IFT81: variants seen among roughly 807,000 people sequenced by gnomAD.
IFT81 encodes the protein intraflagellar transport 81, also known as intraflagellar transport protein 81 homolog.
A neutral mutation model predicts 102.6 loss-of-function variants in IFT81; 72 were observed. That is an observed-to-expected ratio of 0.70 (90% CI 0.58 to 0.85). IFT81 has a LOEUF of 0.85. Ranked by LOEUF, IFT81 falls within the 40% of genes least tolerant of loss-of-function variation. The pLI is 0.00. For missense variants in IFT81, 723 were observed against 787.3 expected, an observed-to-expected ratio of 0.92 and a Z score of 0.98; for synonymous variants, 237 against 242.7, an observed-to-expected ratio of 0.98 and a Z score of 0.22.
At chr12:110,187,874 G>C (rs965081358) in intron 12 of IFT81, among the ~76,000 whole-genome samples, 1 of 152,056 alleles carries the variant, frequency 6.6e-6, no homozygotes, top group African/African-American at 2.4e-5. Context: ...AAGGATGTAG[G>C]TCTTACTGCT....
At chr12:110,144,209 TG>T (rs1418319760) in intron 9 of IFT81, among the ~76,000 whole-genome samples, 3 of 150,398 alleles carry the variant, frequency 2.0e-5, no homozygotes, top group Admixed American at 6.7e-5. Flanking sequence ...TTTTTGTTGT[TG>T]TTGTTTTGTT....
chr12:110,140,810 G>A (rs1401838001), intron 8 of IFT81, among the ~76,000 whole-genome samples: 2 of 151,906 alleles, frequency 1.3e-5, no homozygotes, highest in African/African-American at 2.4e-5. Context: ...TGCAACCTCC[G>A]CCTCCCAGGT....
At chr12:110,184,419 T>G (rs7959516) in intron 12 of IFT81, among the ~76,000 whole-genome samples, 14,501 of 152,134 alleles carry the variant, frequency 0.095, 797 homozygotes, top group African/African-American at 0.14. Flanking sequence ...CAACCATCAG[T>G]GGAGTTTAGT....
intron 12 of IFT81, among the ~76,000 whole-genome samples, chr12:110,183,748 C>T (rs1283290032): frequency 3.3e-5 from 5 of 152,202 alleles, no homozygotes; most frequent in Non-Finnish European, 5.9e-5. Context: ...TCTTCCAGGG[C>T]CTTGACCAAC....
intron 1 of IFT81, among the ~76,000 whole-genome samples, chr12:110,126,056 A>G (rs1893820587): frequency 6.6e-6 from 1 of 152,170 alleles, no homozygotes; most frequent in African/African-American, 2.4e-5. Context: ...AGGTGGGCGG[A>G]TCACGAGGTC....
At chr12:110,149,617 G>A (rs531465722) in intron 10 of IFT81, among the ~76,000 whole-genome samples, 6 of 152,278 alleles carry the variant, frequency 3.9e-5, no homozygotes, top group African/African-American at 1.4e-4. Flanking sequence ...AGCAGATAGG[G>A]GAGCCCGAAG....
In IFT81 at chr12:110,163,301, C is replaced by T. The variant is rs544384885; in HGVS notation, c.1188+236C>T. 5.3e-5 allele frequency among the ~76,000 whole-genome samples: 8 copies of T among 151,822 alleles called. No individual in the cohort carries two copies. The South Asian group carries it at 8.3e-4, about 16-fold the overall frequency. On this transcript the variant is annotated intron_variant, in intron 11 of 18. Coordinates refer to ENST00000242591, the MANE Select transcript of IFT81 (RefSeq NM_014055.4). The stretch of plus-strand genomic sequence containing the variant: ...TGTCACCCAGGCTGGGGTGCAATGG[C>T]GGGATCTCTGCTCACTGCAACCTCC...
intron 5 of IFT81, among the ~76,000 whole-genome samples, chr12:110,134,082 C>A (rs1894340431): frequency 6.6e-6 from 1 of 152,112 alleles, no homozygotes. Flanking sequence ...CTCACTGCAA[C>A]CTCCACCTCC....
At chr12:110,197,583 T>TAC (rs1555268732) in intron 14 of IFT81, among the ~76,000 whole-genome samples, 110 of 144,838 alleles carry the variant, frequency 7.6e-4, no homozygotes, top group African/African-American at 2.5e-3. Flanking sequence ...TATATATATA[T>TAC]ACCTCACTTA....
chr12:110,150,712 G>C (rs966768248), intron 10 of IFT81, among the ~76,000 whole-genome samples: 5 of 152,246 alleles, frequency 3.3e-5, no homozygotes, highest in East Asian at 1.9e-4. Context: ...TCAAGAATAT[G>C]ATTACTACTG....
intron 11 of IFT81, 152 bp from the exon 12 acceptor site, chr12:110,180,270 T>C (rs1178184350): frequency 6.4e-5 from 13 of 202,932 alleles, no homozygotes; most frequent in Non-Finnish European, 9.6e-5. Flanking sequence ...AATTATTATA[T>C]AAAGTTTTCT....
chr12:110,128,857 G>A, intron 3 of IFT81, 93 bp from the exon 4 acceptor site: 1 of 856,044 alleles, frequency 1.2e-6, no homozygotes, highest in Non-Finnish European at 1.8e-6. Flanking sequence ...AAGCAATTTG[G>A]ACATTGTAAA....
chr12:110,217,782 T>C (rs1870326473), intron 18 of IFT81, among the ~76,000 whole-genome samples: 1 of 151,926 alleles, frequency 6.6e-6, no homozygotes, highest in African/African-American at 2.4e-5. Context: ...TGACTTAGTG[T>C]TGGATTTAGT....
chr12:110,137,011 T>G, intron 8 of IFT81, 151 bp downstream of exon 8: 1 of 537,400 alleles, frequency 1.9e-6, no homozygotes, highest in Non-Finnish European at 3.3e-6. Context: ...AGGAGAGCCC[T>G]GATAAAGACA....
chr12:110,201,771 G>A, intron 14 of IFT81, among the ~76,000 whole-genome samples: 1 of 151,674 alleles, frequency 6.6e-6, no homozygotes, highest in Non-Finnish European at 1.5e-5. Context: ...AAACTTTTTT[G>A]TTAAAAACTA....
At chr12:110,194,610 A>T (rs1293268035) in intron 14 of IFT81, among the ~76,000 whole-genome samples, 6 of 152,058 alleles carry the variant, frequency 3.9e-5, no homozygotes, top group Admixed American at 3.9e-4. Context: ...GATAATTTTT[A>T]TTTTCAATGA....
At chr12:110,128,802 A>AG in intron 3 of IFT81, 148 bp from the exon 4 acceptor site, 1 of 617,564 alleles carries the variant, frequency 1.6e-6, no homozygotes, top group Non-Finnish European at 2.7e-6. Flanking sequence ...AAAAAAAAAA[A>AG]AAAAAAAAGA....
intron 8 of IFT81, among the ~76,000 whole-genome samples, chr12:110,138,831 G>C (rs1447806933): frequency 1.3e-5 from 2 of 152,014 alleles, no homozygotes; most frequent in African/African-American, 2.4e-5. Flanking sequence ...GTTTTCAAAG[G>C]GTTTTTAATA....
chr12:110,216,500 C>G (rs1275996537), intron 18 of IFT81: 1 of 451,930 alleles, frequency 2.2e-6, no homozygotes. Flanking sequence ...CAGCCCCCAG[C>G]CTCCTATTAT....
Sources: gnomAD v4.1 joint callset for allele counts (sites outside exome capture counted in the v4.1 genomes callset) on GRCh38, gnomAD v4.1.1 for gene constraint, MANE v1.5 for transcripts, NCBI Gene and HGNC (gene_info 2026-07-23, HGNC 2026-07-21) for gene names.